The following RBFOX1 variants were observed in gnomAD, a reference collection of about 807,000 sequenced individuals.
RBFOX1 encodes the protein RNA binding fox-1 homolog 1, also known as RNA binding protein fox-1 homolog 1.
A neutral mutation model predicts 57.7 loss-of-function variants in RBFOX1; 8 were observed. The ratio of observed to expected loss-of-function variants is 0.14; its 90% CI spans 0.08 to 0.25. RBFOX1 has a LOEUF of 0.25. RBFOX1 is among the 10% of genes least tolerant of loss of function. The pLI is 1.00. For missense variants in RBFOX1, 611 were observed against 548.5 expected (o/e 1.11, Z -1.14); for synonymous variants, 326 against 222.4 (o/e 1.47, Z -4.15).
At chr16:7,293,385 C>G (rs1015035902) in intron 4 of RBFOX1, among the ~76,000 whole-genome samples, 2 of 152,104 alleles carry the variant, frequency 1.3e-5, no homozygotes, top group African/African-American at 4.8e-5. Context: ...AACCAATCAC[C>G]CATGGATAGT....
intron 2 of RBFOX1, among the ~76,000 whole-genome samples, chr16:6,577,849 A>G (rs2097464605): frequency 6.6e-6 from 1 of 152,226 alleles, no homozygotes; most frequent in Non-Finnish European, 1.5e-5. Flanking sequence ...GTGAAGCAGG[A>G]AGGACTATAT....
chr16:7,658,569 G>T (rs536768910), intron 12 of RBFOX1, among the ~76,000 whole-genome samples: 1 of 152,132 alleles, frequency 6.6e-6, no homozygotes, highest in African/African-American at 2.4e-5. Flanking sequence ...AAGACAGCAA[G>T]TGGAGGCTTT....
chr16:5,514,782 A>T (rs11640784), intron 2 of RBFOX1, among the ~76,000 whole-genome samples: 1 of 151,882 alleles, frequency 6.6e-6, no homozygotes, highest in African/African-American at 2.4e-5. Flanking sequence ...AGAGGGAGAG[A>T]GGGAGGAGAA....
At chr16:7,612,052 T>C (rs1437778281) in intron 10 of RBFOX1, among the ~76,000 whole-genome samples, 1 of 152,132 alleles carries the variant, frequency 6.6e-6, no homozygotes, top group East Asian at 1.9e-4. Context: ...CCGGGCGCGG[T>C]GGCTCACGCC....
chr16:7,217,607 G>C (rs997223597), intron 4 of RBFOX1, among the ~76,000 whole-genome samples: 1 of 151,802 alleles, frequency 6.6e-6, no homozygotes, highest in Non-Finnish European at 1.5e-5. Flanking sequence ...CTGGTTCTGA[G>C]AATATAATCA....
chr16:7,524,441 C>A, intron 5 of RBFOX1, among the ~76,000 whole-genome samples: 1 of 152,152 alleles, frequency 6.6e-6, no homozygotes, highest in Non-Finnish European at 1.5e-5. Flanking sequence ...GCTGACAGAG[C>A]CAATACTGTA....
intron 4 of RBFOX1, among the ~76,000 whole-genome samples, chr16:5,925,965 C>A (rs1181113660): frequency 6.6e-6 from 1 of 152,050 alleles, no homozygotes; most frequent in Non-Finnish European, 1.5e-5. Context: ...CTTACCTTTC[C>A]TATTGTCTAT....
chr16:6,911,250 G>A (rs987038764), intron 3 of RBFOX1, among the ~76,000 whole-genome samples: 10 of 150,856 alleles, frequency 6.6e-5, no homozygotes, highest in Non-Finnish European at 1.3e-4. Context: ...TGGGTAGTGC[G>A]TTAGTTTCCC....
chr16:7,612,244 C>G (rs1341315527), intron 10 of RBFOX1, among the ~76,000 whole-genome samples: 1 of 147,372 alleles, frequency 6.8e-6, no homozygotes, highest in Non-Finnish European at 1.5e-5. Flanking sequence ...TGGCATGAAC[C>G]CGGGAGGCGG....
intron 4 of RBFOX1, among the ~76,000 whole-genome samples, chr16:7,302,755 T>TC (rs977656130): frequency 1.4e-4 from 11 of 79,686 alleles, no homozygotes; most frequent in African/African-American, 3.7e-4. Flanking sequence ...TTTTTTTTTT[T>TC]TCCTGTCAGG....
At chr16:7,348,073 T>G (rs1568340606) in intron 4 of RBFOX1, among the ~76,000 whole-genome samples, 1 of 152,226 alleles carries the variant, frequency 6.6e-6, no homozygotes, top group Non-Finnish European at 1.5e-5. Context: ...AACAGAAAAT[T>G]CACTTTGCAA....
intron 2 of RBFOX1, among the ~76,000 whole-genome samples, chr16:6,601,971 C>G (rs984021738): frequency 2.6e-5 from 4 of 151,934 alleles, no homozygotes; most frequent in African/African-American, 9.7e-5. Context: ...AGATAAACAA[C>G]TCTTCTCTCT....
At chr16:5,725,885 T>A (rs2052134204) in intron 3 of RBFOX1, among the ~76,000 whole-genome samples, 1 of 151,942 alleles carries the variant, frequency 6.6e-6, no homozygotes. Context: ...TCAGCAGGTT[T>A]GCTGCAGGTT....
At chr16:7,681,745 A>G (rs1410482666) in intron 14 of RBFOX1, among the ~76,000 whole-genome samples, 1 of 152,004 alleles carries the variant, frequency 6.6e-6, no homozygotes, top group Non-Finnish European at 1.5e-5. Flanking sequence ...GGGATAGGAT[A>G]TAGTTTAACC....
chr16:7,021,561 A>G (rs1435793732), intron 3 of RBFOX1, among the ~76,000 whole-genome samples: 7 of 140,844 alleles, frequency 5.0e-5, no homozygotes, highest in Non-Finnish European at 3.0e-5. Flanking sequence ...TTTATAAAAT[A>G]TATTATATTT....
rs116560771 is a variant in RBFOX1, at chr16:5,999,372, G to C, written c.351+132037G>C. On this transcript the variant is annotated intron_variant, in intron 4 of 19. Coordinates refer to the RBFOX1 transcript ENST00000641259. Reference sequence around the variant, plus strand: ...AAATAAATCCTTCCTTAAGTCTTCAGACCGGGTCAAACTCTTCCCCCATTG... The same window carrying C: ...AAATAAATCCTTCCTTAAGTCTTCACACCGGGTCAAACTCTTCCCCCATTG... Among the ~76,000 whole-genome samples, 579 of 152,288 alleles carry C rather than the reference G, an allele frequency of 3.8e-3. 7 individuals carry two copies. The highest frequency in any genetic ancestry group is 0.014 in the African/African-American group (567 of 41,542).
chr16:7,709,837 G>A (rs901852215), intron 15 of RBFOX1: 1 of 1,251,080 alleles, frequency 8.0e-7, no homozygotes, highest in Non-Finnish European at 1.0e-6. Context: ...TGAAACTCTT[G>A]AGTACAGTAA....
intron 4 of RBFOX1, among the ~76,000 whole-genome samples, chr16:7,355,784 T>C (rs2093389122): frequency 6.6e-6 from 1 of 152,208 alleles, no homozygotes. Context: ...AAACTGGACA[T>C]CATCAATCTT....
At chr16:7,293,357 G>A (rs111560939) in intron 4 of RBFOX1, among the ~76,000 whole-genome samples, 152 of 152,260 alleles carry the variant, frequency 1.0e-3, no homozygotes, top group African/African-American at 3.5e-3. Flanking sequence ...AGATTTTGGT[G>A]TCCTTGGAAG....
Sources: gnomAD v4.1 joint callset for allele counts (sites outside exome capture counted in the v4.1 genomes callset) on GRCh38, gnomAD v4.1.1 for gene constraint, MANE v1.5 for transcripts, NCBI Gene and HGNC (gene_info 2026-07-23, HGNC 2026-07-21) for gene names.